The following LUC7L2 variants were observed in gnomAD, a reference collection of about 807,000 sequenced individuals.
LUC7L2 encodes LUC7 like 2, pre-mRNA splicing factor, also known as putative RNA-binding protein Luc7-like 2.
LUC7L2 carries 25 observed loss-of-function variants against 52.8 expected under a neutral mutation model. That is an observed-to-expected ratio of 0.47 (90% confidence interval 0.34 to 0.66). The LOEUF (loss-of-function observed/expected upper bound fraction) is 0.66, where lower values mean the gene tolerates loss of function less well. Among genes scored for constraint, LUC7L2 ranks in the 30% least tolerant of loss-of-function variants. The probability of loss-of-function intolerance (pLI) is 0.01; values close to 1 mark genes in which losing one functional copy is unlikely to be tolerated. For synonymous variants in LUC7L2, 144 were observed against 160.9 expected, an observed-to-expected ratio of 0.89 and a Z score of 0.80; for missense variants, 328 against 497.8, an observed-to-expected ratio of 0.66 and a Z score of 3.25.
chr7:139,417,926 G>A (rs1795699253), intron 9 of LUC7L2, among the ~76,000 whole-genome samples, 197 bp downstream of exon 9: 1 of 152,140 alleles, frequency 6.6e-6, no homozygotes, highest in African/African-American at 2.4e-5. Flanking sequence ...ATACTTATGA[G>A]CCAGAGCAAG....
chr7:139,352,417 C>A (rs1052073140), intron 1 of LUC7L2, among the ~76,000 whole-genome samples: 1 of 151,986 alleles, frequency 6.6e-6, no homozygotes, highest in Non-Finnish European at 1.5e-5. Context: ...ATCCCTTGAG[C>A]CTGGGAGGTT....
At chr7:139,357,146 AAATAT>A (rs1799629267), upstream of LUC7L2, among the ~76,000 whole-genome samples, 1 of 152,190 alleles carries the variant, frequency 6.6e-6, no homozygotes, top group African/African-American at 2.4e-5. Context: ...GAAAGAATAA[AAATAT>A]AATAAAATGA....
At chr7:139,361,276 C>T (rs185425026) in intron 1 of LUC7L2, among the ~76,000 whole-genome samples, 35 of 152,256 alleles carry the variant, frequency 2.3e-4, no homozygotes, top group African/African-American at 7.7e-4. Flanking sequence ...CAGCAAAATC[C>T]TTGGTAGTTT....
chr7:139,415,085 T>C (rs10280957), intron 8 of LUC7L2, among the ~76,000 whole-genome samples: 54,242 of 137,092 alleles, frequency 0.4, 14,776 homozygotes, highest in African/African-American at 0.77. Flanking sequence ...TTTTTTTTTG[T>C]ATTTTTAGTA....
intron 1 of LUC7L2, chr7:139,345,677 G>A (rs1205619308): frequency 1.9e-6 from 3 of 1,614,194 alleles, no homozygotes; most frequent in Non-Finnish European, 2.5e-6. Flanking sequence ...TGCCCCATCA[G>A]CCTGGAGGGA....
At chr7:139,352,348 A>G (rs931766045) in intron 1 of LUC7L2, among the ~76,000 whole-genome samples, 1 of 152,094 alleles carries the variant, frequency 6.6e-6, no homozygotes, top group African/African-American at 2.4e-5. Flanking sequence ...TAAAAAAATT[A>G]GCTGGGCATG....
chr7:139,383,581 ATTGT>A (rs1308267828), intron 2 of LUC7L2, among the ~76,000 whole-genome samples: 3 of 136,402 alleles, frequency 2.2e-5, no homozygotes, highest in East Asian at 2.2e-4. Flanking sequence ...TGCCTGGCTA[ATTGT>A]TTGTATTTTT....
intron 2 of LUC7L2, among the ~76,000 whole-genome samples, chr7:139,376,673 T>G (rs1272309228): frequency 1.3e-5 from 2 of 152,196 alleles, no homozygotes; most frequent in Non-Finnish European, 1.5e-5. Context: ...GCAGAGATGT[T>G]GATCTTAGAG....
chr7:139,392,476 A>G (rs944629143), intron 2 of LUC7L2: 6 of 405,178 alleles, frequency 1.5e-5, no homozygotes, highest in Non-Finnish European at 3.0e-5. Flanking sequence ...TACCAGGATC[A>G]GGTATAGTTA....
chr7:139,414,999 AC>A (rs1795523614), intron 8 of LUC7L2, among the ~76,000 whole-genome samples: 1 of 145,848 alleles, frequency 6.9e-6, no homozygotes, highest in South Asian at 2.2e-4. Context: ...TGATTCTTCT[AC>A]CTTAGGCTCC....
At chr7:139,357,675 AGAT>A (rs1799646482), upstream of LUC7L2, among the ~76,000 whole-genome samples, 1 of 151,548 alleles carries the variant, frequency 6.6e-6, no homozygotes, top group East Asian at 1.9e-4. Context: ...GTATTACTAA[AGAT>A]AACTTGATTC....
chr7:139,419,822 C>A (rs896470030), intron 9 of LUC7L2, among the ~76,000 whole-genome samples: 2 of 152,110 alleles, frequency 1.3e-5, no homozygotes, highest in African/African-American at 4.8e-5. Context: ...AAAAGTTTTG[C>A]TTTTCTCGAG....
At chr7:139,421,932 A>C (rs563248788) in intron 9 of LUC7L2, among the ~76,000 whole-genome samples, 2 of 152,280 alleles carry the variant, frequency 1.3e-5, no homozygotes, top group Middle Eastern at 6.8e-3. Flanking sequence ...GCCTGTAAGA[A>C]ATTATTTTAG....
chr7:139,373,905 T>A (rs562615846), intron 1 of LUC7L2, among the ~76,000 whole-genome samples: 1 of 152,312 alleles, frequency 6.6e-6, no homozygotes, highest in African/African-American at 2.4e-5. Flanking sequence ...ACATAAGGGA[T>A]TTTTTTGTTT....
At position 139,422,263 on chromosome 7, in the gene LUC7L2, AAGC is replaced by A; in HGVS notation, c.1103_1105del (p.Lys368del). 1 of 1,614,236 alleles carries A rather than the reference AAGC, an allele frequency of 6.2e-7. No homozygotes were observed. Among genetic ancestry groups the A allele is most frequent in the Non-Finnish European group, 8.5e-7 (1 of 1,180,038 alleles). Reference sequence around the variant, plus strand: ...TCGTGACAGAGATCGGAAAGATAAGAAGCGGTCCTATGAGAGTGCTAATGGCAG... The same window carrying A: ...TCGTGACAGAGATCGGAAAGATAAGAGGTCCTATGAGAGTGCTAATGGCAG... On this transcript the variant is annotated inframe_deletion, in exon 10 of 10. Transcript: ENST00000354926.
rs1361973554 is a variant in LUC7L2 at position 139,360,327 on chromosome 7, G to A, written c.61+5G>A. On this transcript the variant is annotated splice_donor_5th_base_variant and intron_variant, in intron 1 of 9. Transcript: ENST00000354926. ...TGATGGGCACCTCCCGGGACGGTAA[G>A]TCTCTGCCAGGGCCCTGGGGGTGGG... is the stretch of plus-strand genomic sequence containing the variant. The A allele has an allele frequency of 3.2e-6, 5 of 1,562,504 alleles. No homozygotes were observed. The Admixed American group carries it at 5.7e-5, about 18-fold the overall frequency.
At chr7:139,365,059 GT>G (rs1800085082) in intron 1 of LUC7L2, among the ~76,000 whole-genome samples, 1 of 152,178 alleles carries the variant, frequency 6.6e-6, no homozygotes, top group African/African-American at 2.4e-5. Context: ...TTAAACAGTA[GT>G]TTCTCTGCGT....
intron 9 of LUC7L2, among the ~76,000 whole-genome samples, chr7:139,421,928 AAG>A (rs1421489465): frequency 6.6e-6 from 1 of 152,208 alleles, no homozygotes; most frequent in African/African-American, 2.4e-5. Flanking sequence ...AGTAGCCTGT[AAG>A]AAATTATTTT....
At chr7:139,383,787 G>A (rs893906441) in intron 2 of LUC7L2, among the ~76,000 whole-genome samples, 1 of 116,678 alleles carries the variant, frequency 8.6e-6, no homozygotes, top group African/African-American at 6.3e-5. Context: ...AGGCTGGAGT[G>A]CAGTGGTGTG....
Sources: gnomAD v4.1 joint callset for allele counts (sites outside exome capture counted in the v4.1 genomes callset) on GRCh38, gnomAD v4.1.1 for gene constraint, MANE v1.5 for transcripts, NCBI Gene and HGNC (gene_info 2026-07-23, HGNC 2026-07-21) for gene names.